Variants in HDAC9 observed in about 807,000 individuals in gnomAD.
The protein encoded by HDAC9 is MEF-2 interacting transcription repressor (MITR) protein.
HDAC9 carries 41 observed loss-of-function variants against 139.4 expected under a neutral mutation model. The ratio of observed to expected loss-of-function variants is 0.29; its 90% CI spans 0.23 to 0.38. The LOEUF (loss-of-function observed/expected upper bound fraction) is 0.38. Among genes scored for constraint, HDAC9 ranks in the 10% least tolerant of loss-of-function variants. The pLI, the probability that HDAC9 is intolerant of heterozygous loss-of-function variation, is 1.00. For synonymous variants in HDAC9, 517 were observed against 476.2 expected (o/e 1.09, Z -1.12); for missense variants, 1,147 against 1,297.0 (o/e 0.88, Z 1.78).
chr7:18,103,998 A>C (rs1407012732), intron 1 of HDAC9, among the ~76,000 whole-genome samples: 1 of 152,130 alleles, frequency 6.6e-6, no homozygotes, highest in Non-Finnish European at 1.5e-5. Context: ...CTCAGGGAAC[A>C]CTCATACCCA....
At chr7:18,127,561 G>A (rs1194652180) in intron 1 of HDAC9, among the ~76,000 whole-genome samples, 1 of 151,972 alleles carries the variant, frequency 6.6e-6, no homozygotes, top group Non-Finnish European at 1.5e-5. Context: ...ATTCTCTCTG[G>A]TTTTCAAAGT....
rs1218579083 is a variant in HDAC9, at chr7:18,273,011, TTCC to T, written c.25+110677_25+110679del. ...CCTCCTCCTCCTCTTCTTCTTCTTC[TTCC>T]TCCTCCTCCTCCTCTTCCTCTTCCC... On this transcript the variant is annotated intron_variant, in intron 2 of 12. Coordinates refer to the HDAC9 transcript ENST00000417496. 6.0e-3 allele frequency among the ~76,000 whole-genome samples: 889 copies of T among 147,836 alleles called. 11 individuals carry two copies. The highest frequency in any genetic ancestry group is 0.018 in the African/African-American group (740 of 40,026).
chr7:18,495,909 G>A lies in HDAC9; in HGVS notation c.-156G>A, dbSNP rs921808102. On this transcript the variant is annotated 5_prime_UTR_variant, in exon 1 of 26. Transcript: ENST00000686413. ...GACTTAATAATTTTCTACGTATTCTGACAAAGAAATAACCCCGAAGCACGT... is the reference window on the plus strand; with the variant it reads ...GACTTAATAATTTTCTACGTATTCTAACAAAGAAATAACCCCGAAGCACGT... 4.9e-5 allele frequency: 59 copies of A among 1,200,302 alleles called. No homozygotes were observed. Among genetic ancestry groups the A allele is most frequent in the Non-Finnish European group, 8.3e-6 (8 of 968,482 alleles). 74.4% of individuals were successfully genotyped at this position (1,200,302 alleles called of 1,614,324 possible).
At chr7:18,973,288 T>A (rs1198869406) in intron 24 of HDAC9, among the ~76,000 whole-genome samples, 3 of 152,190 alleles carry the variant, frequency 2.0e-5, no homozygotes. Flanking sequence ...ATGTAGTGTG[T>A]TTGTCAGAGT....
chr7:18,405,551 C>G (rs1562957077), intron 1 of HDAC9, among the ~76,000 whole-genome samples: 1 of 152,006 alleles, frequency 6.6e-6, no homozygotes, highest in Non-Finnish European at 1.5e-5. Context: ...AACTTTTGTT[C>G]ATCAAATCTG....
intron 21 of HDAC9, among the ~76,000 whole-genome samples, chr7:18,871,619 C>A (rs892878023): frequency 6.6e-6 from 1 of 152,114 alleles, no homozygotes; most frequent in African/African-American, 2.4e-5. Context: ...TCAGAAATCC[C>A]AATTTTTCAG....
rs146133506 is a variant in HDAC9, at chr7:18,457,852, T to G, written c.-41-38410T>G. 2.6e-4 allele frequency among the ~76,000 whole-genome samples: 40 copies of G among 152,316 alleles called. No individual in the cohort carries two copies. In the East Asian group the frequency reaches 5.6e-3, roughly 21 times the overall value. On this transcript the variant is annotated intron_variant, in intron 1 of 3. Transcript: ENST00000413509. Reference sequence around the variant, plus strand: ...TTTTTCCTTGTTCCTGGATGGGTCTTATTCTGCCAGATGGGAGTTAGATCA... The same window carrying G: ...TTTTTCCTTGTTCCTGGATGGGTCTGATTCTGCCAGATGGGAGTTAGATCA...
chr7:18,835,313 C>CAGGCTG (rs1329264983), intron 19 of HDAC9, among the ~76,000 whole-genome samples, 154 bp from the exon 20 acceptor site: 5 of 151,986 alleles, frequency 3.3e-5, no homozygotes, highest in African/African-American at 1.2e-4. Context: ...GGTGTGGAAG[C>CAGGCTG]AGGCTGAAAG....
intron 1 of HDAC9, among the ~76,000 whole-genome samples, chr7:18,483,371 C>G (rs1795730507): frequency 6.6e-6 from 1 of 152,104 alleles, no homozygotes. Context: ...AAGATGAGAG[C>G]AAGGTTTTCA....
At chr7:18,851,705 G>A (rs1797312577) in intron 21 of HDAC9, among the ~76,000 whole-genome samples, 1 of 152,126 alleles carries the variant, frequency 6.6e-6, no homozygotes, top group Non-Finnish European at 1.5e-5. Context: ...TTCCTGAAAT[G>A]TTAGTTAGTA....
At position 18,549,409 on chromosome 7, in the gene HDAC9, C is replaced by T. The variant is rs1363204683; in HGVS notation, c.23-35872C>T. ...AAAACAATAAACATTCACAGTGTCCCTCAATAGCTGAATAGTTAAACAAAC... is the reference window on the plus strand; with the variant it reads ...AAAACAATAAACATTCACAGTGTCCTTCAATAGCTGAATAGTTAAACAAAC... On this transcript the variant is annotated intron_variant, in intron 2 of 25. Coordinates refer to ENST00000686413, the MANE Select transcript of HDAC9 (RefSeq NM_178425.4). 5.3e-5 allele frequency among the ~76,000 whole-genome samples: 8 copies of T among 152,292 alleles called. No homozygotes were observed. The South Asian group carries it at 1.2e-3, about 24-fold the overall frequency.
chr7:18,282,903 C>G (rs930469465), intron 2 of HDAC9, among the ~76,000 whole-genome samples: 2 of 143,658 alleles, frequency 1.4e-5, no homozygotes, highest in Admixed American at 1.4e-4. Flanking sequence ...ATGTTTTAGG[C>G]CCTGCATTTG....
At chr7:18,252,258 A>G (rs527389546) in intron 2 of HDAC9, among the ~76,000 whole-genome samples, 2 of 152,182 alleles carry the variant, frequency 1.3e-5, no homozygotes, top group African/African-American at 4.8e-5. Context: ...GCAGGAGTCA[A>G]TGTGGCCACT....
intron 22 of HDAC9, among the ~76,000 whole-genome samples, chr7:18,893,511 A>G (rs538171999): frequency 3.6e-4 from 55 of 152,332 alleles, no homozygotes; most frequent in African/African-American, 1.3e-3. Flanking sequence ...TGTGCTGTCT[A>G]AAATGGTACT....
chr7:18,267,656 G>C (rs59813661), intron 2 of HDAC9, among the ~76,000 whole-genome samples: 6 of 152,076 alleles, frequency 3.9e-5, no homozygotes, highest in African/African-American at 1.4e-4. Context: ...AAGGTATTCC[G>C]TGTATATGTA....
chr7:18,751,974 G>T (rs956869427), intron 14 of HDAC9, among the ~76,000 whole-genome samples: 7 of 151,736 alleles, frequency 4.6e-5, no homozygotes, highest in Non-Finnish European at 1.0e-4. Flanking sequence ...TAAACACAAT[G>T]GAAGCAACTG....
At position 18,438,693 on chromosome 7, in the gene HDAC9, C is replaced by CTGTGTG. The variant is rs367824633; in HGVS notation, c.-41-57560_-41-57555dup. Among the ~76,000 whole-genome samples, 875 of 147,706 alleles carry CTGTGTG rather than the reference C, an allele frequency of 5.9e-3. 7 individuals are homozygous for CTGTGTG. Among genetic ancestry groups the CTGTGTG allele is most frequent in the African/African-American group, 0.021 (829 of 40,100 alleles). ...GTGTGTGTAACATTATATAATGTGT[C>CTGTGTG]TGTGTGTGTGTGTGGTGCATGTGTG... On this transcript the variant is annotated intron_variant, in intron 1 of 3. Transcript: ENST00000413509.
At chr7:18,578,815 C>A (rs1826859404) in intron 2 of HDAC9, among the ~76,000 whole-genome samples, 1 of 152,184 alleles carries the variant, frequency 6.6e-6, no homozygotes, top group South Asian at 2.1e-4. Context: ...AAGACCTCTT[C>A]ATTTTCTTTT....
chr7:18,352,521 T>A (rs1232430895), intron 1 of HDAC9, among the ~76,000 whole-genome samples: 1 of 152,158 alleles, frequency 6.6e-6, no homozygotes, highest in Non-Finnish European at 1.5e-5. Flanking sequence ...CAGTGCAGTC[T>A]TATATTTGTT....
Sources: allele counts gnomAD v4.1 joint callset (sites outside exome capture counted in the v4.1 genomes callset), GRCh38; gene constraint gnomAD v4.1.1; transcripts MANE v1.5; gene names NCBI Gene and HGNC (gene_info 2026-07-23, HGNC 2026-07-21).